Variants in ERBB4 observed in about 807,000 individuals in gnomAD.
The protein encoded by ERBB4 is erb-b2 receptor tyrosine kinase 4.
A neutral mutation model predicts 158.0 loss-of-function variants in ERBB4; 42 were observed. That is an observed-to-expected ratio of 0.27 (90% CI 0.21 to 0.34). ERBB4 has a LOEUF of 0.34. Ranked by LOEUF, ERBB4 falls within the 10% of genes least tolerant of loss-of-function variation. The pLI is 1.00. For synonymous variants in ERBB4, 583 were observed against 558.7 expected, an observed-to-expected ratio of 1.04 and a Z score of -0.61; for missense variants, 1,333 against 1,624.1, an observed-to-expected ratio of 0.82 and a Z score of 3.08.
chr2:211,482,025 C>T (rs935120741), intron 20 of ERBB4, among the ~76,000 whole-genome samples: 1 of 152,098 alleles, frequency 6.6e-6, no homozygotes, highest in African/African-American at 2.4e-5. Flanking sequence ...GAGAGGGAAT[C>T]CAAGTAGAGA....
chr2:211,725,091 C>T lies in ERBB4; in HGVS notation c.726G>A (p.Lys242=). The change falls in exon 6 of 28, where the codon AAG becomes AAA. Residue 242 remains lysine (K), a synonymous_variant. Transcript: ENST00000342788. The part of the protein sequence containing the change: ...RECAGGCSGP[K]DTDCFACMNF... ...ACAGACATACAAAGCAGTCTGTGTC[C>T]TTAGGTCCTGAGCAGCCTCCAGCAC... The T allele has an allele frequency of 6.2e-7, 1 of 1,611,678 alleles. No individual in the cohort carries two copies. The highest frequency in any genetic ancestry group is 8.5e-7 in the Non-Finnish European group (1 of 1,177,874).
Position 212,116,142 on chromosome 2 carries a change from C to A in ERBB4, c.234+8610G>T, listed in dbSNP as rs2079564428. ...TTATATACTAATTTGATTCTTGATTCCTGGAAAGCGGTTGCTAATTTACAT... is the reference window on the plus strand; with the variant it reads ...TTATATACTAATTTGATTCTTGATTACTGGAAAGCGGTTGCTAATTTACAT... On this transcript the variant is annotated intron_variant, in intron 2 of 27. Transcript: ENST00000342788. Among the ~76,000 whole-genome samples the A allele has an allele frequency of 2.0e-5, 3 of 151,374 alleles. No individual in the cohort carries two copies. The South Asian group carries it at 6.2e-4, about 31-fold the overall frequency.
At chr2:212,442,586 A>T (rs1040461479) in intron 1 of ERBB4, among the ~76,000 whole-genome samples, 3 of 152,144 alleles carry the variant, frequency 2.0e-5, no homozygotes, top group African/African-American at 7.2e-5. Flanking sequence ...AGGTCAGGTA[A>T]TTAATGGAAT....
chr2:212,495,733 A>G (rs1205989530), intron 1 of ERBB4, among the ~76,000 whole-genome samples: 3 of 152,206 alleles, frequency 2.0e-5, no homozygotes, highest in African/African-American at 7.2e-5. Flanking sequence ...CTTTCCTACA[A>G]AATCAGATCC....
intron 2 of ERBB4, among the ~76,000 whole-genome samples, chr2:212,087,172 T>C (rs866534019): frequency 5.9e-4 from 87 of 147,516 alleles, no homozygotes; most frequent in African/African-American, 1.9e-3. Context: ...AACACACACA[T>C]ACACACACAC....
chr2:211,455,509 A>G (rs899850082), intron 20 of ERBB4, among the ~76,000 whole-genome samples: 3 of 152,184 alleles, frequency 2.0e-5, no homozygotes, highest in African/African-American at 7.2e-5. Flanking sequence ...GAACAAGGGG[A>G]AAAAAGGGAA....
At chr2:212,191,879 T>C (rs1174449877) in intron 1 of ERBB4, among the ~76,000 whole-genome samples, 3 of 1,824 alleles carry the variant, frequency 1.6e-3, no homozygotes, top group Non-Finnish European at 7.3e-3. Flanking sequence ...ATATAATACA[T>C]ATGTTACATG....
At chr2:211,539,985 T>C (rs2125680705) in intron 20 of ERBB4, among the ~76,000 whole-genome samples, 1 of 152,088 alleles carries the variant, frequency 6.6e-6, no homozygotes. Flanking sequence ...CTTCATTTTA[T>C]ATGATGCTTT....
chr2:211,611,461 C>T (rs1321180324), intron 19 of ERBB4, among the ~76,000 whole-genome samples: 1 of 41,420 alleles, frequency 2.4e-5, no homozygotes, highest in Non-Finnish European at 5.3e-5. Context: ...AGTCTTGCTG[C>T]CACACACTCT....
chr2:212,486,529 T>A (rs1231965847), intron 1 of ERBB4, among the ~76,000 whole-genome samples: 2 of 152,190 alleles, frequency 1.3e-5, no homozygotes, highest in Non-Finnish European at 2.9e-5. Flanking sequence ...CTTCAGGGAC[T>A]GAATTTGCAG....
chr2:212,316,271 C>T (rs1181267535), intron 1 of ERBB4, among the ~76,000 whole-genome samples: 1 of 151,388 alleles, frequency 6.6e-6, no homozygotes, highest in Non-Finnish European at 1.5e-5. Flanking sequence ...CACACGCCCA[C>T]ATGCATGTAC....
intron 16 of ERBB4, among the ~76,000 whole-genome samples, chr2:211,634,243 G>A (rs1350982561): frequency 6.6e-6 from 1 of 151,682 alleles, no homozygotes; most frequent in Non-Finnish European, 1.5e-5. Context: ...TTTCTTGAAT[G>A]TTTACTTTGC....
intron 1 of ERBB4, among the ~76,000 whole-genome samples, chr2:212,304,517 A>G (rs1017920788): frequency 7.9e-5 from 12 of 151,574 alleles, no homozygotes; most frequent in Admixed American, 1.3e-4. Context: ...TATTTCTACC[A>G]ATCAATCTAG....
intron 2 of ERBB4, among the ~76,000 whole-genome samples, chr2:212,040,073 A>C (rs1260664798): frequency 2.0e-5 from 3 of 151,936 alleles, no homozygotes; most frequent in African/African-American, 7.2e-5. Flanking sequence ...AATAAATCAT[A>C]AAATATGGAA....
At chr2:212,476,998 G>A (rs985996) in intron 1 of ERBB4, among the ~76,000 whole-genome samples, 13,443 of 151,988 alleles carry the variant, frequency 0.088, 1,993 homozygotes, top group African/African-American at 0.31. Context: ...CTGCCTAAGC[G>A]TCAGTTTCCT....
Position 211,681,327 on chromosome 2 carries a change from G to A in ERBB4, c.1490-2143C>T, listed in dbSNP as rs372440463. On this transcript the variant is annotated intron_variant, in intron 12 of 27. Transcript: ENST00000342788. ...GTAGTAGATTACTATGAATATATGT[G>A]TAAAAGTCTTTGTATGGGCATACAC... Among the ~76,000 whole-genome samples, 23 of 152,248 alleles carry A rather than the reference G, an allele frequency of 1.5e-4. No homozygotes were observed. In the South Asian group the frequency reaches 4.8e-3, roughly 32 times the overall value.
At chr2:212,118,240 C>A (rs932939935) in intron 2 of ERBB4, among the ~76,000 whole-genome samples, 3 of 152,178 alleles carry the variant, frequency 2.0e-5, no homozygotes, top group African/African-American at 7.2e-5. Context: ...AATGGTTGTT[C>A]ATCCTTACTG....
intron 2 of ERBB4, among the ~76,000 whole-genome samples, chr2:212,112,430 T>C (rs2079440022): frequency 1.3e-5 from 2 of 151,918 alleles, no homozygotes; most frequent in Non-Finnish European, 2.9e-5. Flanking sequence ...TCAATCTAGT[T>C]CCGAAATTTT....
chr2:211,457,281 A>G (rs2064405946), intron 20 of ERBB4, among the ~76,000 whole-genome samples: 1 of 152,230 alleles, frequency 6.6e-6, no homozygotes, highest in Non-Finnish European at 1.5e-5. Context: ...TATCTATTTA[A>G]AAATAATTAC....
Sources: gnomAD v4.1 joint callset for allele counts (sites outside exome capture counted in the v4.1 genomes callset) on GRCh38, gnomAD v4.1.1 for gene constraint, MANE v1.5 for transcripts, NCBI Gene and HGNC (gene_info 2026-07-23, HGNC 2026-07-21) for gene names.